ASIC2: variants seen among roughly 807,000 people sequenced by gnomAD.
ASIC2 encodes the protein acid-sensing ion channel 2.
A neutral mutation model predicts 57.3 loss-of-function variants in ASIC2; 25 were observed. The observed-to-expected ratio is 0.44, with a 90% CI of 0.32 to 0.61. The LOEUF (loss-of-function observed/expected upper bound fraction) is 0.61, where lower values mean the gene tolerates loss of function less well. ASIC2 is among the 20% of genes least tolerant of loss of function. ASIC2 has a pLI of 0.06. For synonymous variants in ASIC2, 319 were observed against 307.5 expected (o/e 1.04, Z -0.39); for missense variants, 641 against 738.1 (o/e 0.87, Z 1.52).
At chr17:33,322,897 C>A (rs1198890065) in intron 1 of ASIC2, among the ~76,000 whole-genome samples, 1 of 152,050 alleles carries the variant, frequency 6.6e-6, no homozygotes, top group African/African-American at 2.4e-5. Flanking sequence ...GATGTGTGTA[C>A]AGTGCTCTTT....
chr17:33,451,988 C>T lies in ASIC2; in HGVS notation c.556-339921G>A, dbSNP rs1188433016. On this transcript the variant is annotated intron_variant, in intron 1 of 9. Coordinates refer to the ASIC2 transcript ENST00000359872. ...TTCTCAGTTAGTTACATGATATGCA[C>T]GCAGTACACATTCACCAGATAAGTA... Among the ~76,000 whole-genome samples the T allele has an allele frequency of 6.6e-5, 10 of 152,296 alleles. No homozygotes were observed. The South Asian group carries it at 8.3e-4, about 13-fold the overall frequency.
chr17:33,856,615 C>T (rs1024348963), intron 1 of ASIC2, among the ~76,000 whole-genome samples: 1 of 34,574 alleles, frequency 2.9e-5, no homozygotes, highest in Non-Finnish European at 7.3e-5. Context: ...TCAGAGGAAG[C>T]AGGAATTGTT....
intron 1 of ASIC2, among the ~76,000 whole-genome samples, chr17:33,364,240 T>A (rs1208343296): frequency 6.6e-6 from 1 of 152,166 alleles, no homozygotes; most frequent in African/African-American, 2.4e-5. Context: ...CCAAGACACA[T>A]CCCTTCCCTG....
intron 1 of ASIC2, chr17:33,533,320 AAAG>A (rs1915116940): frequency 9.6e-4 from 9 of 9,414 alleles, no homozygotes; most frequent in Admixed American, 6.0e-3. Context: ...AGAAAGAGCG[AAAG>A]AAAGAAAGAA....
At chr17:33,395,665 G>C (rs2141955336) in intron 1 of ASIC2, among the ~76,000 whole-genome samples, 1 of 152,274 alleles carries the variant, frequency 6.6e-6, no homozygotes, top group African/African-American at 2.4e-5. Context: ...AATATATTGA[G>C]AGCCTATTAT....
At chr17:34,014,229 T>C in intron 1 of ASIC2, among the ~76,000 whole-genome samples, 1 of 152,204 alleles carries the variant, frequency 6.6e-6, no homozygotes, top group Admixed American at 6.5e-5. Flanking sequence ...GTAATGCTTT[T>C]AATCTGCTTC....
At chr17:33,940,678 G>C (rs1916169784) in intron 1 of ASIC2, among the ~76,000 whole-genome samples, 1 of 152,198 alleles carries the variant, frequency 6.6e-6, no homozygotes, top group Admixed American at 6.5e-5. Flanking sequence ...TCCTAGCAGG[G>C]GACATAGTTA....
At chr17:33,425,980 A>T (rs1457273986) in intron 1 of ASIC2, among the ~76,000 whole-genome samples, 5 of 152,082 alleles carry the variant, frequency 3.3e-5, no homozygotes, top group Non-Finnish European at 7.4e-5. Context: ...CTGGAGAGAG[A>T]GGGGCTAGTA....
chr17:33,736,921 T>C (rs910175357), intron 1 of ASIC2, among the ~76,000 whole-genome samples: 1 of 151,886 alleles, frequency 6.6e-6, no homozygotes, highest in African/African-American at 2.4e-5. Context: ...TAATGTGGTC[T>C]CTTTTTTTAA....
chr17:33,488,554 A>C (rs1913651122), intron 1 of ASIC2, among the ~76,000 whole-genome samples: 1 of 152,148 alleles, frequency 6.6e-6, no homozygotes, highest in African/African-American at 2.4e-5. Flanking sequence ...TTCTTTTGCT[A>C]TGTTTGGTGA....
At chr17:33,050,239 C>T (rs1188337604) in intron 3 of ASIC2, among the ~76,000 whole-genome samples, 1 of 152,126 alleles carries the variant, frequency 6.6e-6, no homozygotes, top group Middle Eastern at 3.2e-3. Context: ...TCCTCAGCTC[C>T]CACTCGCCTC....
At chr17:33,065,110 TGA>T (rs572207892) in intron 3 of ASIC2, among the ~76,000 whole-genome samples, 306 of 152,280 alleles carry the variant, frequency 2.0e-3, no homozygotes, top group African/African-American at 7.1e-3. Context: ...GTTTTTTTTT[TGA>T]GAGTGTGTTT....
chr17:33,429,468 G>C (rs1205670767), intron 1 of ASIC2, among the ~76,000 whole-genome samples: 3 of 152,014 alleles, frequency 2.0e-5, no homozygotes, highest in Non-Finnish European at 1.5e-5. Flanking sequence ...TCGGCTCACT[G>C]CAAGCTCCAT....
At chr17:34,140,779 GCTCTT>G (rs776112953) in intron 1 of ASIC2, among the ~76,000 whole-genome samples, 9 of 152,088 alleles carry the variant, frequency 5.9e-5, no homozygotes, top group Non-Finnish European at 1.2e-4. Flanking sequence ...AAAAGAGAAA[GCTCTT>G]CTGTATTTCA....
At chr17:33,164,166 C>T (rs1179111814) in intron 1 of ASIC2, among the ~76,000 whole-genome samples, 1 of 152,226 alleles carries the variant, frequency 6.6e-6, no homozygotes, top group Non-Finnish European at 1.5e-5. Flanking sequence ...CTACCTGGGG[C>T]TGGCCCAGGC....
intron 1 of ASIC2, among the ~76,000 whole-genome samples, chr17:33,301,927 AG>A (rs2142195181): frequency 6.6e-6 from 1 of 152,332 alleles, no homozygotes; most frequent in Admixed American, 6.5e-5. Flanking sequence ...AGACAGGCAG[AG>A]GCAACAGCAG....
intron 1 of ASIC2, among the ~76,000 whole-genome samples, chr17:33,658,568 C>G (rs1907149623): frequency 6.6e-6 from 1 of 152,162 alleles, no homozygotes; most frequent in Admixed American, 6.5e-5. Flanking sequence ...CTGGCAGATT[C>G]TGTGTCTGGT....
chr17:34,024,801 G>A (rs957663208), intron 1 of ASIC2, among the ~76,000 whole-genome samples: 1 of 152,172 alleles, frequency 6.6e-6, no homozygotes, highest in Non-Finnish European at 1.5e-5. Flanking sequence ...TTGTGGTTTA[G>A]GATCATGTAC....
intron 1 of ASIC2, among the ~76,000 whole-genome samples, chr17:33,733,282 T>C (rs1291884855): frequency 6.6e-6 from 1 of 152,196 alleles, no homozygotes; most frequent in Admixed American, 6.5e-5. Flanking sequence ...AATATTTGCC[T>C]TAGCCTTAGA....
Sources: gnomAD v4.1 joint callset for allele counts (sites outside exome capture counted in the v4.1 genomes callset) on GRCh38, gnomAD v4.1.1 for gene constraint, MANE v1.5 for transcripts, NCBI Gene and HGNC (gene_info 2026-07-23, HGNC 2026-07-21) for gene names.